TMOD3: variants seen among roughly 807,000 people sequenced by gnomAD.
The protein encoded by TMOD3 is tropomodulin 3, also known as tropomodulin-3.
TMOD3 carries 20 observed loss-of-function variants against 39.2 expected under a neutral mutation model. That is an observed-to-expected ratio of 0.51 (90% CI 0.36 to 0.74). TMOD3 has a LOEUF of 0.74. Among genes scored for constraint, TMOD3 ranks in the 30% least tolerant of loss-of-function variants. The probability of loss-of-function intolerance (pLI) is 0.00; values close to 1 mark genes in which losing one functional copy is unlikely to be tolerated. For missense variants in TMOD3, 381 were observed against 412.8 expected, an observed-to-expected ratio of 0.92 and a Z score of 0.67; for synonymous variants, 143 against 145.8, an observed-to-expected ratio of 0.98 and a Z score of 0.14.
intron 7 of TMOD3, among the ~76,000 whole-genome samples, chr15:51,898,003 G>A (rs1357160735): frequency 6.6e-6 from 1 of 152,094 alleles, no homozygotes; most frequent in Middle Eastern, 3.2e-3. Context: ...CTACCCCAAA[G>A]TCAGTTCTTT....
At chr15:51,908,079 A>C (rs572067810) in intron 9 of TMOD3, among the ~76,000 whole-genome samples, 3 of 152,328 alleles carry the variant, frequency 2.0e-5, no homozygotes, top group East Asian at 3.9e-4. Flanking sequence ...GTAGCAAATC[A>C]CTTACCTATA....
chr15:51,863,008 G>A lies in TMOD3; in HGVS notation c.124G>A (p.Glu42Lys), dbSNP rs765563907. 9 of 1,612,274 alleles carry A rather than the reference G, an allele frequency of 5.6e-6. No homozygotes were observed. Among genetic ancestry groups the A allele is most frequent in the Admixed American group, 3.4e-5 (2 of 59,698 alleles). ...LETVLDDLDPENALLPAGFRQ... is the reference protein window; with the variant it reads ...LETVLDDLDPKNALLPAGFRQ... ...AACTGTTTTGGATGATCTTGACCCC[G>A]AGGTAGGTGCTAGGTGATGAAGAGA... Residue 42 changes from glutamate (E) to lysine (K), a missense_variant and splice_region_variant, in exon 2 of 10, where the codon GAG (glutamate) becomes AAG (lysine). Glu to Lys is a moderately conservative substitution (Grantham distance 56). Coordinates refer to ENST00000308580, the MANE Select transcript of TMOD3 (RefSeq NM_014547.5).
intron 3 of TMOD3, among the ~76,000 whole-genome samples, chr15:51,876,000 G>C (rs1351938863): frequency 2.0e-5 from 3 of 152,074 alleles, no homozygotes. Context: ...ATGTCCCCTT[G>C]ATGAATTGTC....
chr15:51,876,876 C>T (rs1159756183), intron 3 of TMOD3, among the ~76,000 whole-genome samples: 1 of 152,072 alleles, frequency 6.6e-6, no homozygotes, highest in African/African-American at 2.4e-5. Context: ...GCTTGGGCAA[C>T]ACAGTGAGAC....
At position 51,912,440 on chromosome 15, in the gene TMOD3, AT is replaced by A. The variant is rs34024925; in HGVS notation, c.*3643del. On this transcript the variant is annotated 3_prime_UTR_variant, in exon 10 of 10. Coordinates refer to ENST00000308580, the MANE Select transcript of TMOD3 (RefSeq NM_014547.5). ...GAAACTCCGTCTCAAAAAAAAAAAA[AT>A]TTTTTTTTTTTTATAAAATGTTACT... is the stretch of plus-strand genomic sequence containing the variant. The A allele has an allele frequency of 0.56, 79,966 of 143,976 alleles. 21,848 individuals carry two copies. Among genetic ancestry groups the A allele is most frequent in the South Asian group, 0.66 (3,045 of 4,598 alleles). The allele number at this position is 143,976 out of a possible 1,614,324, so 8.9% of individuals were successfully genotyped here. A position where few individuals can be genotyped will look rare whatever the true frequency, so the allele number is the denominator to read the frequency against.
intron 2 of TMOD3, among the ~76,000 whole-genome samples, chr15:51,868,936 C>T (rs539304933): frequency 3.0e-4 from 46 of 152,332 alleles, no homozygotes; most frequent in Admixed American, 3.0e-3. Flanking sequence ...CATGCCACTG[C>T]ACTCCAGCTT....
At chr15:51,882,046 C>G (rs2056537656) in intron 3 of TMOD3, among the ~76,000 whole-genome samples, 1 of 151,712 alleles carries the variant, frequency 6.6e-6, no homozygotes, top group Non-Finnish European at 1.5e-5. Flanking sequence ...AGGCATGTGC[C>G]ACCACACCTG....
chr15:51,902,773 C>CTGAGTAG (rs2056659054), intron 9 of TMOD3, among the ~76,000 whole-genome samples: 1 of 151,482 alleles, frequency 6.6e-6, no homozygotes, highest in Non-Finnish European at 1.5e-5. Flanking sequence ...CCTCAGCCTC[C>CTGAGTAG]TGAGTAGCTG....
chr15:51,879,602 G>C (rs1272863573), intron 3 of TMOD3, among the ~76,000 whole-genome samples: 1 of 151,638 alleles, frequency 6.6e-6, no homozygotes, highest in African/African-American at 2.4e-5. Context: ...ATTTCAAGCA[G>C]AAGAAAAAAT....
At position 51,901,905 on chromosome 15, in the gene TMOD3, G is replaced by A. The variant is rs1258678943; in HGVS notation, c.893G>A (p.Gly298Glu). The A allele has an allele frequency of 1.2e-6, 2 of 1,613,680 alleles. No individual in the cohort carries two copies. Among genetic ancestry groups the A allele is most frequent in the Non-Finnish European group, 1.7e-6 (2 of 1,179,902 alleles). Residue 298 changes from glycine (G) to glutamate (E), a missense_variant, in exon 9 of 10, where the codon GGG (glycine) becomes GAG (glutamate). Coordinates refer to ENST00000308580, the MANE Select transcript of TMOD3 (RefSeq NM_014547.5). ...LKIDNQRQQL[G>E]TAVELEMAKM... ...TAATTACTCCAGAGGCAGCAGTTGG[G>A]GACAGCTGTAGAATTGGAAATGGCC...
rs1169793881 is a variant in TMOD3 at position 51,910,181 on chromosome 15, C to T, written c.*1371C>T. ...GAATGGAATCTGAGGTAGCCCTGGC[C>T]TCAAAATTCAGGCCTGGCTGTATCA... On this transcript the variant is annotated 3_prime_UTR_variant, in exon 10 of 10. Coordinates refer to ENST00000308580, the MANE Select transcript of TMOD3 (RefSeq NM_014547.5). The T allele has an allele frequency of 6.6e-6, 1 of 152,194 alleles. No homozygotes were observed. Among genetic ancestry groups the T allele is most frequent in the African/African-American group, 2.4e-5 (1 of 41,448 alleles). 9.4% of individuals were successfully genotyped at this position (152,194 alleles called of 1,614,324 possible). A position where few individuals can be genotyped will look rare whatever the true frequency, so the allele number is the denominator to read the frequency against.
chr15:51,833,675 T>C (rs192660082), intron 1 of TMOD3, among the ~76,000 whole-genome samples: 6 of 152,372 alleles, frequency 3.9e-5, no homozygotes, highest in Non-Finnish European at 7.3e-5. Context: ...ATCTATGTTG[T>C]TGGCAAGTAT....
chr15:51,845,302 G>T (rs79311952), intron 1 of TMOD3, among the ~76,000 whole-genome samples: 1 of 152,156 alleles, frequency 6.6e-6, no homozygotes. Context: ...TGTCATGGAC[G>T]TGGAAGAGCC....
intron 9 of TMOD3, among the ~76,000 whole-genome samples, chr15:51,907,020 C>A (rs79081087): frequency 6.6e-3 from 762 of 115,406 alleles, no homozygotes; most frequent in South Asian, 8.2e-3. Context: ...AACTCCGTCT[C>A]AAAAAAAAAA....
intron 6 of TMOD3, among the ~76,000 whole-genome samples, chr15:51,894,227 AT>A (rs1418413810): frequency 6.6e-6 from 1 of 152,138 alleles, no homozygotes; most frequent in Non-Finnish European, 1.5e-5. Context: ...TTCTAAGAAC[AT>A]TTAGCCTCTT....
intron 1 of TMOD3, among the ~76,000 whole-genome samples, chr15:51,843,795 A>T (rs781206440): frequency 6.6e-5 from 10 of 152,176 alleles, no homozygotes; most frequent in Non-Finnish European, 1.3e-4. Context: ...CAGGATTTCA[A>T]TTAAATAGGG....
At chr15:51,857,277 A>G (rs1422906964) in intron 1 of TMOD3, among the ~76,000 whole-genome samples, 1 of 152,230 alleles carries the variant, frequency 6.6e-6, no homozygotes, top group Non-Finnish European at 1.5e-5. Flanking sequence ...TACTTTTGGA[A>G]GAGGAGATGC....
intron 3 of TMOD3, 32 bp downstream of exon 3, chr15:51,869,405 G>A (rs779856870): frequency 6.3e-7 from 1 of 1,596,610 alleles, no homozygotes; most frequent in Non-Finnish European, 8.5e-7. Context: ...TCATTATGTG[G>A]TAACACTTGA....
chr15:51,902,693 A>G (rs1595913218), intron 9 of TMOD3, among the ~76,000 whole-genome samples: 1 of 124,978 alleles, frequency 8.0e-6, no homozygotes, highest in East Asian at 2.5e-4. Context: ...TCTGTCGCCC[A>G]GGCTGGAGTG....
Sources: allele counts gnomAD v4.1 joint callset (sites outside exome capture counted in the v4.1 genomes callset), GRCh38; gene constraint gnomAD v4.1.1; transcripts MANE v1.5; gene names NCBI Gene and HGNC (gene_info 2026-07-23, HGNC 2026-07-21).